The following MARCHF11 variants were observed in gnomAD, a reference collection of about 807,000 sequenced individuals.
MARCHF11 encodes the protein membrane associated ring-CH-type finger 11.
A neutral mutation model predicts 37.3 loss-of-function variants in MARCHF11; 29 were observed. The ratio of observed to expected loss-of-function variants is 0.78; its 90% CI spans 0.58 to 1.06. The LOEUF (loss-of-function observed/expected upper bound fraction) is 1.06. Ranked by LOEUF, MARCHF11 falls within the 50% of genes least tolerant of loss-of-function variation. The pLI is 0.00. For synonymous variants in MARCHF11, 233 were observed against 228.0 expected (o/e 1.02, Z -0.20); for missense variants, 482 against 533.4 (o/e 0.90, Z 0.95).
intron 2 of MARCHF11, among the ~76,000 whole-genome samples, chr5:16,112,499 C>T (rs186396649): frequency 1.8e-3 from 281 of 152,230 alleles, no homozygotes; most frequent in African/African-American, 5.5e-3. Context: ...CCATTTGGAA[C>T]GGCTGTATTT....
chr5:16,077,697 T>C (rs1364120105), intron 3 of MARCHF11, among the ~76,000 whole-genome samples: 1 of 152,188 alleles, frequency 6.6e-6, no homozygotes, highest in African/African-American at 2.4e-5. Flanking sequence ...GCTCAGACAG[T>C]AGTTTTCTTA....
intron 2 of MARCHF11, among the ~76,000 whole-genome samples, chr5:16,129,726 T>C (rs1737481772): frequency 6.6e-6 from 1 of 152,172 alleles, no homozygotes; most frequent in Non-Finnish European, 1.5e-5. Flanking sequence ...AATACCCTTC[T>C]TGAGTTTGTT....
rs187017307 is a variant in MARCHF11, at chr5:16,112,191, G to C, written c.694-21110C>G. Reference sequence around the variant, plus strand: ...ACTGTCTGGTGGAGCTGTGAGAAGAGAGCCAATATCCTCCAGACCCCAGAA... The same window carrying C: ...ACTGTCTGGTGGAGCTGTGAGAAGACAGCCAATATCCTCCAGACCCCAGAA... On this transcript the variant is annotated intron_variant, in intron 2 of 3. Transcript: ENST00000332432. Among the ~76,000 whole-genome samples, 88 of 152,298 alleles carry C rather than the reference G, an allele frequency of 5.8e-4. 1 individual carries two copies. The East Asian group carries it at 0.015, about 26-fold the overall frequency.
intron 2 of MARCHF11, among the ~76,000 whole-genome samples, chr5:16,166,432 T>C (rs138708832): frequency 8.6e-4 from 119 of 138,612 alleles, no homozygotes; most frequent in African/African-American, 2.9e-3. Flanking sequence ...TGTCTATCAA[T>C]AGAGATAAAA....
chr5:16,115,419 T>G lies in MARCHF11; in HGVS notation c.694-24338A>C, dbSNP rs146678944. 3.0e-4 allele frequency among the ~76,000 whole-genome samples: 46 copies of G among 152,294 alleles called. 1 individual carries two copies. Among genetic ancestry groups the G allele is most frequent in the African/African-American group, 1.1e-3 (46 of 41,566 alleles). On this transcript the variant is annotated intron_variant, in intron 2 of 3. Transcript: ENST00000332432. ...ATCAGTTTATGAGAAAAGAATGAAC[T>G]CATCAATAAATTTGAATCAAGAGTC...
chr5:16,083,069 CAA>C (rs1447901214), intron 3 of MARCHF11, among the ~76,000 whole-genome samples: 1 of 152,144 alleles, frequency 6.6e-6, no homozygotes, highest in Non-Finnish European at 1.5e-5. Flanking sequence ...ATTTGGGCTC[CAA>C]AAGTCTTGTG....
chr5:16,096,218 A>C (rs1443708035), intron 2 of MARCHF11, among the ~76,000 whole-genome samples: 1 of 152,252 alleles, frequency 6.6e-6, no homozygotes, highest in African/African-American at 2.4e-5. Context: ...GAAGAAATTC[A>C]ACACCTGCAA....
chr5:16,099,477 C>T (rs1035707192), intron 2 of MARCHF11, among the ~76,000 whole-genome samples: 4 of 151,908 alleles, frequency 2.6e-5, no homozygotes, highest in African/African-American at 7.3e-5. Context: ...AAATAAGACT[C>T]ATATAAATTA....
At chr5:16,145,385 G>A (rs1289829465) in intron 2 of MARCHF11, among the ~76,000 whole-genome samples, 1 of 152,100 alleles carries the variant, frequency 6.6e-6, no homozygotes, top group Non-Finnish European at 1.5e-5. Context: ...CACCATGTGG[G>A]GACCTTTCTC....
Position 16,090,912 on chromosome 5 carries a change from C to G in MARCHF11, c.863G>C (p.Gly288Ala), listed in dbSNP as rs777326377. ...ACCTATGCACACTAGATCCATAAAA[C>G]CATACATTCCATAGCAGATCTGAAA... The part of the protein sequence containing the change: ...ILFQICYGMY[G>A]FMDLVCIGLI... The change falls in exon 3 of 4, where the codon GGT (glycine) becomes GCT (alanine). Residue 288 changes from glycine (G) to alanine (A), a missense_variant. Physicochemically the swap from Gly to Ala is moderately conservative, Grantham distance 60. Coordinates refer to ENST00000332432, the MANE Select transcript of MARCHF11 (RefSeq NM_001102562.3). 3 of 1,606,590 alleles carry G rather than the reference C, an allele frequency of 1.9e-6. No homozygotes were observed. The highest frequency in any genetic ancestry group is 2.5e-6 in the Non-Finnish European group (3 of 1,177,330).
At chr5:16,115,071 G>C (rs1042151170) in intron 2 of MARCHF11, among the ~76,000 whole-genome samples, 1 of 152,116 alleles carries the variant, frequency 6.6e-6, no homozygotes, top group Non-Finnish European at 1.5e-5. Flanking sequence ...CCTTCAGTGA[G>C]GTTCAGGAAT....
intron 3 of MARCHF11, among the ~76,000 whole-genome samples, chr5:16,068,572 C>T (rs1223322427): frequency 6.6e-6 from 1 of 152,146 alleles, no homozygotes; most frequent in Non-Finnish European, 1.5e-5. Flanking sequence ...GATCTTTCCA[C>T]GTTTCTGAGA....
intron 3 of MARCHF11, among the ~76,000 whole-genome samples, chr5:16,081,165 AC>A (rs1322341869): frequency 6.6e-6 from 1 of 152,070 alleles, no homozygotes; most frequent in East Asian, 1.9e-4. Flanking sequence ...GCTCTCACAT[AC>A]ATTTCTCTCC....
intron 2 of MARCHF11, among the ~76,000 whole-genome samples, chr5:16,168,602 T>C (rs1254986032): frequency 6.6e-6 from 1 of 152,084 alleles, no homozygotes; most frequent in African/African-American, 2.4e-5. Context: ...AAGCGTGGCA[T>C]GGTTGGTCCA....
At chr5:16,138,691 G>A (rs1044416015) in intron 2 of MARCHF11, among the ~76,000 whole-genome samples, 1 of 152,180 alleles carries the variant, frequency 6.6e-6, no homozygotes, top group Non-Finnish European at 1.5e-5. Flanking sequence ...GATAGGGGCT[G>A]TACCCTGCAA....
chr5:16,130,081 T>C (rs1006205427), intron 2 of MARCHF11, among the ~76,000 whole-genome samples: 1 of 152,174 alleles, frequency 6.6e-6, no homozygotes, highest in African/African-American at 2.4e-5. Flanking sequence ...GAGATAATTA[T>C]TTATTGCCAC....
chr5:16,153,275 A>T (rs954194872), intron 2 of MARCHF11, among the ~76,000 whole-genome samples: 1 of 152,012 alleles, frequency 6.6e-6, no homozygotes, highest in Non-Finnish European at 1.5e-5. Context: ...GATGAGAAAA[A>T]AGTGCTTCCA....
chr5:16,161,083 C>CGTGCAGGT (rs1420079567), intron 2 of MARCHF11, among the ~76,000 whole-genome samples: 1 of 151,860 alleles, frequency 6.6e-6, no homozygotes, highest in Non-Finnish European at 1.5e-5. Flanking sequence ...ATGTACACAA[C>CGTGCAGGT]GTGCAGGTTT....
chr5:16,139,451 C>A (rs1361371724), intron 2 of MARCHF11, among the ~76,000 whole-genome samples: 1 of 152,102 alleles, frequency 6.6e-6, no homozygotes, highest in African/African-American at 2.4e-5. Flanking sequence ...TCGGGTATGT[C>A]TTTGTAGCAC....
Sources: gnomAD v4.1 joint callset for allele counts (sites outside exome capture counted in the v4.1 genomes callset) on GRCh38, gnomAD v4.1.1 for gene constraint, MANE v1.5 for transcripts, NCBI Gene and HGNC (gene_info 2026-07-23, HGNC 2026-07-21) for gene names.